The following RNF217 variants were observed in gnomAD, a reference collection of about 807,000 sequenced individuals.
The protein encoded by RNF217 is E3 ubiquitin-protein ligase RNF217.
A neutral mutation model predicts 57.8 loss-of-function variants in RNF217; 31 were observed. That is an observed-to-expected ratio of 0.54 (90% confidence interval 0.40 to 0.72). RNF217 has a LOEUF of 0.72. Among genes scored for constraint, RNF217 ranks in the 30% least tolerant of loss-of-function variants. The pLI, the probability that RNF217 is intolerant of heterozygous loss-of-function variation, is 0.00. For missense variants in RNF217, 696 were observed against 708.3 expected (o/e 0.98, Z 0.20); for synonymous variants, 313 against 294.0 (o/e 1.06, Z -0.66).
At chr6:125,005,999 G>A (rs1785165427) in intron 1 of RNF217, 1 of 152,202 alleles carries the variant, frequency 6.6e-6, no homozygotes, top group Admixed American at 6.5e-5. Flanking sequence ...GTAATGGGCT[G>A]TTAATTAATT....
intron 1 of RNF217, among the ~76,000 whole-genome samples, chr6:125,023,427 TG>T (rs1785932016): frequency 2.0e-5 from 3 of 152,136 alleles, no homozygotes; most frequent in African/African-American, 7.2e-5. Context: ...AGACTTGTGT[TG>T]TAAAAAGAGT....
intron 1 of RNF217, among the ~76,000 whole-genome samples, chr6:125,035,887 T>TA (rs1049653495): frequency 1.3e-5 from 2 of 151,316 alleles, no homozygotes; most frequent in African/African-American, 4.8e-5. Context: ...CTGTTGAAGT[T>TA]TTTTTTTTCA....
At chr6:125,017,561 TATAG>T (rs1397122713) in intron 1 of RNF217, among the ~76,000 whole-genome samples, 2 of 152,232 alleles carry the variant, frequency 1.3e-5, no homozygotes, top group Non-Finnish European at 2.9e-5. Flanking sequence ...AAGACTTCTG[TATAG>T]ATAATCTTAT....
intron 1 of RNF217, among the ~76,000 whole-genome samples, chr6:125,019,828 T>TTG (rs1785755780): frequency 1.5e-5 from 2 of 134,380 alleles, no homozygotes; most frequent in African/African-American, 5.4e-5. Context: ...TCCCCTTTTT[T>TTG]GCAGTGGGGG....
intron 1 of RNF217, among the ~76,000 whole-genome samples, chr6:125,000,971 A>G (rs1432199452): frequency 3.3e-5 from 5 of 152,214 alleles, no homozygotes; most frequent in Non-Finnish European, 7.4e-5. Context: ...TCTTTCAATT[A>G]CATATAGTGA....
chr6:125,039,611 A>G (rs891352443), intron 1 of RNF217, among the ~76,000 whole-genome samples: 1 of 152,190 alleles, frequency 6.6e-6, no homozygotes, highest in African/African-American at 2.4e-5. Context: ...ATAGACATCT[A>G]CAGAACTCTC....
intron 1 of RNF217, among the ~76,000 whole-genome samples, chr6:125,029,916 T>G (rs944154769): frequency 6.6e-6 from 1 of 152,226 alleles, no homozygotes; most frequent in Non-Finnish European, 1.5e-5. Flanking sequence ...ACATAGCTGC[T>G]TTGTTACTCC....
chr6:125,038,287 AAATCCAGT>A (rs1786729752), intron 1 of RNF217, among the ~76,000 whole-genome samples: 1 of 152,178 alleles, frequency 6.6e-6, no homozygotes, highest in Non-Finnish European at 1.5e-5. Flanking sequence ...TAAGTAGATA[AAATCCAGT>A]AAACAGAAGT....
chr6:125,052,917 A>G (rs1787382271), intron 2 of RNF217, among the ~76,000 whole-genome samples: 1 of 152,032 alleles, frequency 6.6e-6, no homozygotes, highest in South Asian at 2.1e-4. Flanking sequence ...ACATGCCAGG[A>G]TTATAGGAAC....
rs118078766 is a variant in RNF217 at position 125,023,497 on chromosome 6, A to G, written c.883-21714A>G. On this transcript the variant is annotated intron_variant, in intron 1 of 5. Transcript: ENST00000521654. Reference sequence around the variant, plus strand: ...GGTGGGAATGTAAAGTAGTACAGCCATTACAGAAGACAGTATGGAGGATCC... The same window carrying G: ...GGTGGGAATGTAAAGTAGTACAGCCGTTACAGAAGACAGTATGGAGGATCC... 5.1e-3 allele frequency among the ~76,000 whole-genome samples: 781 copies of G among 152,352 alleles called. 1 individual carries two copies. Among genetic ancestry groups the G allele is most frequent in the Non-Finnish European group, 8.2e-3 (556 of 68,034 alleles).
chr6:125,027,565 A>T (rs1271506479), intron 1 of RNF217, among the ~76,000 whole-genome samples: 1 of 152,150 alleles, frequency 6.6e-6, no homozygotes, highest in Non-Finnish European at 1.5e-5. Context: ...GTTGATGGAC[A>T]CTTAGGTTGC....
chr6:125,076,595 G>C, intron 3 of RNF217, 62 bp from the exon 4 acceptor site: 3 of 1,234,106 alleles, frequency 2.4e-6, no homozygotes, highest in Non-Finnish European at 3.6e-6. Flanking sequence ...TAAAATTTGC[G>C]ATTTTGCTTT....
chr6:125,026,449 A>G (rs954037997), intron 1 of RNF217, among the ~76,000 whole-genome samples: 3 of 152,184 alleles, frequency 2.0e-5, no homozygotes, highest in African/African-American at 7.2e-5. Flanking sequence ...TGCTGCTATC[A>G]TCATCATCGT....
rs975182400 is a variant in RNF217 at position 125,084,593 on chromosome 6, A to C, written c.*1656A>C. 5.9e-5 allele frequency: 9 copies of C among 151,910 alleles called. No individual in the cohort carries two copies. Among genetic ancestry groups the C allele is most frequent in the African/African-American group, 1.2e-4 (5 of 41,402 alleles). The allele number at this position is 151,910 out of a possible 1,614,324, so 9.4% of individuals were successfully genotyped here. On this transcript the variant is annotated 3_prime_UTR_variant, in exon 6 of 6. Transcript: ENST00000521654. ...GGGCTCCAGAGTGTAAGAATATTTT[A>C]TTTTTTGTTTGACATAAAAAGTGAA...
chr6:125,042,651 T>C (rs535155818), intron 1 of RNF217, among the ~76,000 whole-genome samples: 1 of 152,236 alleles, frequency 6.6e-6, no homozygotes, highest in East Asian at 1.9e-4. Flanking sequence ...TGATTGGATG[T>C]TGGATGGTAT....
intron 1 of RNF217, among the ~76,000 whole-genome samples, 185 bp from the exon 2 acceptor site, chr6:125,045,026 G>A (rs957694324): frequency 2.0e-5 from 3 of 151,920 alleles, no homozygotes; most frequent in South Asian, 4.1e-4. Flanking sequence ...GAAACATTAC[G>A]TAGTGATTAT....
Position 125,084,636 on chromosome 6 carries a change from A to G in RNF217, c.*1699A>G, listed in dbSNP as rs961619508. 3 of 152,016 alleles carry G rather than the reference A, an allele frequency of 2.0e-5. No homozygotes were observed. Among genetic ancestry groups the G allele is most frequent in the Admixed American group, 1.3e-4 (2 of 15,250 alleles). 9.4% of individuals were successfully genotyped at this position (152,016 alleles called of 1,614,324 possible). A position where few individuals can be genotyped will look rare whatever the true frequency, so the allele number is the denominator to read the frequency against. On this transcript the variant is annotated 3_prime_UTR_variant, in exon 6 of 6. Transcript: ENST00000521654. The stretch of plus-strand genomic sequence containing the variant: ...AAAGTGAAGTTGACTTGCGTGAATA[A>G]CAATCCAGCATGCTTTCATTCTTTC...
intron 1 of RNF217, among the ~76,000 whole-genome samples, chr6:124,963,947 C>G (rs1296150508): frequency 4.6e-5 from 7 of 152,172 alleles, no homozygotes; most frequent in Non-Finnish European, 1.5e-5. Context: ...TTTCAGTTTC[C>G]TTTTTCCACA....
At chr6:125,059,820 G>GT (rs931756221) in intron 3 of RNF217, among the ~76,000 whole-genome samples, 95 of 152,260 alleles carry the variant, frequency 6.2e-4, no homozygotes, top group African/African-American at 2.2e-3. Flanking sequence ...CCCCTTTGAA[G>GT]TAATAGCTAA....
Sources: allele counts gnomAD v4.1 joint callset (sites outside exome capture counted in the v4.1 genomes callset), GRCh38; gene constraint gnomAD v4.1.1; transcripts MANE v1.5; gene names NCBI Gene and HGNC (gene_info 2026-07-23, HGNC 2026-07-21).